The following SPPL3 variants were observed in gnomAD, a reference collection of about 807,000 sequenced individuals.
SPPL3 encodes the protein signal peptide peptidase-like 3.
A neutral mutation model predicts 42.4 loss-of-function variants in SPPL3; 5 were observed. The observed-to-expected ratio is 0.12, with a 90% confidence interval of 0.06 to 0.25. The LOEUF (loss-of-function observed/expected upper bound fraction) is 0.25. Ranked by LOEUF, SPPL3 falls within the 10% of genes least tolerant of loss-of-function variation. The pLI, the probability that SPPL3 is intolerant of heterozygous loss-of-function variation, is 1.00. For synonymous variants in SPPL3, 195 were observed against 181.8 expected (o/e 1.07, Z -0.58); for missense variants, 235 against 489.0 (o/e 0.48, Z 4.90).
At chr12:120,845,371 G>C in intron 1 of SPPL3, 9 of 365,082 alleles carry the variant, frequency 2.5e-5, no homozygotes, top group South Asian at 2.2e-4. Flanking sequence ...CCCTCTGTCA[G>C]TGCTGTCCAC....
At chr12:120,885,600 C>A (rs778047553) in intron 1 of SPPL3, among the ~76,000 whole-genome samples, 1 of 152,068 alleles carries the variant, frequency 6.6e-6, no homozygotes, top group Non-Finnish European at 1.5e-5. Flanking sequence ...CATGCAAGTG[C>A]CCATAAAAAG....
chr12:120,782,582 T>G, intron 6 of SPPL3, 73 bp downstream of exon 6: 1 of 1,161,134 alleles, frequency 8.6e-7, no homozygotes, highest in Admixed American at 2.1e-5. Flanking sequence ...GTTGTACAGC[T>G]CTGTGAATAT....
At chr12:120,824,675 C>T (rs953698254) in intron 1 of SPPL3, among the ~76,000 whole-genome samples, 1 of 152,080 alleles carries the variant, frequency 6.6e-6, no homozygotes, top group Non-Finnish European at 1.5e-5. Flanking sequence ...GGGAGACAGG[C>T]GCATGCCACC....
At chr12:120,822,537 C>A (rs1389111596) in intron 1 of SPPL3, among the ~76,000 whole-genome samples, 1 of 152,098 alleles carries the variant, frequency 6.6e-6, no homozygotes, top group African/African-American at 2.4e-5. Flanking sequence ...TGGGGGCTAA[C>A]CTCTCCTAGT....
intron 1 of SPPL3, among the ~76,000 whole-genome samples, chr12:120,889,832 T>C (rs778615740): frequency 2.0e-5 from 3 of 152,222 alleles, no homozygotes; most frequent in African/African-American, 7.2e-5. Flanking sequence ...CCTTGAATAA[T>C]AGTTTTTCAC....
chr12:120,865,990 TG>T (rs1437912374), intron 1 of SPPL3, among the ~76,000 whole-genome samples: 1 of 152,208 alleles, frequency 6.6e-6, no homozygotes, highest in Non-Finnish European at 1.5e-5. Flanking sequence ...ATCTAGGTTG[TG>T]TGCTCCTTAT....
intron 1 of SPPL3, among the ~76,000 whole-genome samples, chr12:120,855,771 T>C (rs1029929504): frequency 6.6e-6 from 1 of 152,088 alleles, no homozygotes; most frequent in Non-Finnish European, 1.5e-5. Flanking sequence ...TAAAACAACC[T>C]TTTTGTTTCT....
rs191139101 is a variant in SPPL3, at chr12:120,794,333, G to A, written c.102-2776C>T. Among the ~76,000 whole-genome samples the A allele has an allele frequency of 2.6e-5, 4 of 151,864 alleles. No homozygotes were observed. In the East Asian group the frequency reaches 5.8e-4, roughly 22 times the overall value. On this transcript the variant is annotated intron_variant, in intron 2 of 10. Coordinates refer to ENST00000353487, the MANE Select transcript of SPPL3 (RefSeq NM_139015.5). ...TTAACCTTTTTTGGCTTTATAGTGT[G>A]CTTCTTGTAAGCAGCATATATTTGG...
intron 1 of SPPL3, among the ~76,000 whole-genome samples, chr12:120,813,319 T>A (rs960088299): frequency 1.8e-5 from 2 of 108,358 alleles, no homozygotes; most frequent in Admixed American, 8.3e-5. Flanking sequence ...GATCCTCAGC[T>A]TTTTTTTTTT....
At chr12:120,782,792 G>A (rs766119119) in intron 5 of SPPL3, 25 bp from the exon 6 acceptor site, 3 of 1,529,012 alleles carry the variant, frequency 2.0e-6, no homozygotes, top group East Asian at 2.3e-5. Flanking sequence ...ACACTTATTG[G>A]ACAGTGGGCA....
intron 1 of SPPL3, among the ~76,000 whole-genome samples, chr12:120,881,234 C>A (rs1007328866): frequency 6.6e-6 from 1 of 151,284 alleles, no homozygotes; most frequent in Admixed American, 6.6e-5. Context: ...TTTGGGAGGC[C>A]GAGGCGGGAG....
chr12:120,871,256 TTATA>T (rs1390446410), intron 1 of SPPL3, among the ~76,000 whole-genome samples: 1 of 151,890 alleles, frequency 6.6e-6, no homozygotes, highest in Non-Finnish European at 1.5e-5. Context: ...AAATTTTATG[TTATA>T]TATACATTTT....
chr12:120,850,575 T>C (rs1872190324), intron 1 of SPPL3, among the ~76,000 whole-genome samples: 1 of 151,874 alleles, frequency 6.6e-6, no homozygotes, highest in Admixed American at 6.6e-5. Context: ...GAATGTTAGG[T>C]TTTTTGACAG....
At position 120,851,328 on chromosome 12, in the gene SPPL3, A is replaced by C. The variant is rs187469878; in HGVS notation, c.24-40442T>G. On this transcript the variant is annotated intron_variant, in intron 1 of 10. Coordinates refer to ENST00000353487, the MANE Select transcript of SPPL3 (RefSeq NM_139015.5). ...CCTTTGGCCTCTCATTTTCTCATAC[A>C]GTTTTTTTTTAAAATCATACTCATA... Among the ~76,000 whole-genome samples, 445 of 152,156 alleles carry C rather than the reference A, an allele frequency of 2.9e-3. 2 individuals carry two copies. The highest frequency in any genetic ancestry group is 0.01 in the Middle Eastern group (3 of 294).
At chr12:120,808,161 ATGAT>A (rs1294779072) in intron 2 of SPPL3, among the ~76,000 whole-genome samples, 1 of 146,912 alleles carries the variant, frequency 6.8e-6, no homozygotes, top group Non-Finnish European at 1.5e-5. Flanking sequence ...GTGCAATGGT[ATGAT>A]CACTGCTCAC....
chr12:120,863,535 G>A (rs1461013851), intron 1 of SPPL3, among the ~76,000 whole-genome samples: 1 of 152,198 alleles, frequency 6.6e-6, no homozygotes, highest in Non-Finnish European at 1.5e-5. Flanking sequence ...TCAAGTACAT[G>A]AAGAAAATTC....
intron 1 of SPPL3, among the ~76,000 whole-genome samples, chr12:120,902,501 T>G (rs1420321048): frequency 6.6e-6 from 1 of 152,180 alleles, no homozygotes; most frequent in East Asian, 1.9e-4. Flanking sequence ...GCCAAGTGCT[T>G]TCTAAATGTA....
chr12:120,807,559 A>T (rs974318465), intron 2 of SPPL3, among the ~76,000 whole-genome samples: 1 of 152,008 alleles, frequency 6.6e-6, no homozygotes, highest in African/African-American at 2.4e-5. Flanking sequence ...CTGTAATCCC[A>T]ACTACTCGGG....
intron 1 of SPPL3, among the ~76,000 whole-genome samples, chr12:120,865,767 C>A (rs1424854890): frequency 2.0e-5 from 3 of 152,190 alleles, no homozygotes; most frequent in Non-Finnish European, 4.4e-5. Context: ...GGGTCTCCAA[C>A]CCCCAGGCCA....
Sources: gnomAD v4.1 joint callset for allele counts (sites outside exome capture counted in the v4.1 genomes callset) on GRCh38, gnomAD v4.1.1 for gene constraint, MANE v1.5 for transcripts, NCBI Gene and HGNC (gene_info 2026-07-23, HGNC 2026-07-21) for gene names.